RANBP2: variants seen among roughly 807,000 people sequenced by gnomAD.
RANBP2 encodes the protein RAN binding protein 2.
In RANBP2, 57 loss-of-function variants were observed where a neutral mutation model predicts 303.6. The ratio of observed to expected loss-of-function variants is 0.19; its 90% CI spans 0.15 to 0.23. The LOEUF (loss-of-function observed/expected upper bound fraction) is 0.23. Among genes scored for constraint, RANBP2 ranks in the 10% least tolerant of loss-of-function variants. The pLI is 1.00. For missense variants in RANBP2, 3,138 were observed against 3,780.8 expected (o/e 0.83, Z 4.46); for synonymous variants, 1,167 against 1,301.5 (o/e 0.90, Z 2.23).
At chr2:109,380,004 G>A in the RANBP2 span, among the ~76,000 whole-genome samples, 2 of 152,062 alleles carry the variant, frequency 1.3e-5, no homozygotes, top group African/African-American at 4.8e-5. Context: ...TTGGATTAAC[G>A]ACATAAAGAA....
At chr2:109,220,547 G>A in the RANBP2 span, among the ~76,000 whole-genome samples, 1 of 152,086 alleles carries the variant, frequency 6.6e-6, no homozygotes, top group Non-Finnish European at 1.5e-5. Context: ...ATGAATATCT[G>A]GAATATATAA....
At chr2:109,719,491 C>T in the RANBP2 span, among the ~76,000 whole-genome samples, 1 of 150,680 alleles carries the variant, frequency 6.6e-6, no homozygotes, top group African/African-American at 2.4e-5. Flanking sequence ...ACTGCAACCT[C>T]TGGCTCCCCG....
At chr2:109,082,141 C>T in the RANBP2 span, among the ~76,000 whole-genome samples, 1 of 152,218 alleles carries the variant, frequency 6.6e-6, no homozygotes, top group Non-Finnish European at 1.5e-5. Flanking sequence ...CAGATGTGTG[C>T]AGCTAATCAA....
chr2:108,926,574 G>A, the RANBP2 span, among the ~76,000 whole-genome samples: 15 of 152,204 alleles, frequency 9.9e-5, no homozygotes, highest in African/African-American at 1.9e-4. Context: ...CCAGAATCGC[G>A]GGGTGGTGGA....
chr2:109,247,775 C>G, the RANBP2 span, among the ~76,000 whole-genome samples: 1 of 152,138 alleles, frequency 6.6e-6, no homozygotes, highest in African/African-American at 2.4e-5. Context: ...AAAATAATAC[C>G]TTTTTATTTA....
At chr2:109,613,913 G>A in the RANBP2 span, 26 of 1,227,498 alleles carry the variant, frequency 2.1e-5, no homozygotes, top group African/African-American at 3.1e-4. Context: ...AAGGCCGGAG[G>A]GCAGAAGCAA....
chr2:109,172,994 C>T, the RANBP2 span, among the ~76,000 whole-genome samples: 1,229 of 152,350 alleles, frequency 8.1e-3, 12 homozygotes, highest in East Asian at 0.04. Context: ...CTTGTCTTCA[C>T]GCAGATGTCA....
At chr2:109,226,167 T>C in the RANBP2 span, among the ~76,000 whole-genome samples, 7 of 152,220 alleles carry the variant, frequency 4.6e-5, no homozygotes, top group South Asian at 1.4e-3. Flanking sequence ...ATTATCTGTT[T>C]CCCAGGTTTA....
the RANBP2 span, chr2:108,798,490 T>C: frequency 1.8e-5 from 29 of 1,613,926 alleles, no homozygotes; most frequent in Non-Finnish European, 2.4e-5. Context: ...GTTTTTTACT[T>C]GAAAGAGAAC....
chr2:109,693,347 T>C, the RANBP2 span, among the ~76,000 whole-genome samples: 11 of 152,118 alleles, frequency 7.2e-5, no homozygotes, highest in Non-Finnish European at 1.5e-4. Flanking sequence ...TGTTTTTTTC[T>C]ATTTTTAGTA....
chr2:108,729,116 TTTTAA>T lies in RANBP2; in HGVS notation c.73-12_73-8del, dbSNP rs1694969691. The T allele has an allele frequency of 6.4e-7, 1 of 1,568,096 alleles. No homozygotes were observed. The highest frequency in any genetic ancestry group is 1.3e-5 in the African/African-American group (1 of 74,212). On this transcript the variant is annotated splice_polypyrimidine_tract_variant and intron_variant, in intron 1 of 28. Transcript: ENST00000283195. ...ATTTCTGTATGAAAAGTAAAACAAC[TTTTAA>T]TTTTTTTTAGAAGTCAATGAAAGGA...
At chr2:108,911,144 C>T in the RANBP2 span, 64 of 1,584,492 alleles carry the variant, frequency 4.0e-5, no homozygotes, top group Non-Finnish European at 5.5e-5. Flanking sequence ...AGGACTCCGG[C>T]CCCTGGAAGC....
chr2:109,102,607 G>A, the RANBP2 span, among the ~76,000 whole-genome samples: 1 of 152,108 alleles, frequency 6.6e-6, no homozygotes, highest in African/African-American at 2.4e-5. Context: ...CTCTTCGGTA[G>A]TTAGGAATAA....
At chr2:109,634,237 C>T in the RANBP2 span, among the ~76,000 whole-genome samples, 1 of 151,172 alleles carries the variant, frequency 6.6e-6, no homozygotes, top group East Asian at 1.9e-4. Flanking sequence ...TACCAGTCAC[C>T]GATCAGGAAG....
At chr2:109,238,837 G>A in the RANBP2 span, among the ~76,000 whole-genome samples, 1 of 152,132 alleles carries the variant, frequency 6.6e-6, no homozygotes, top group South Asian at 2.1e-4. Flanking sequence ...GAGGACAGCA[G>A]CCAGTGTGGG....
chr2:109,328,393 C>T, the RANBP2 span, among the ~76,000 whole-genome samples: 4 of 152,204 alleles, frequency 2.6e-5, no homozygotes, highest in African/African-American at 9.6e-5. Context: ...AGAGCTGCCC[C>T]ACCCTTGACT....
rs1405166390 is a variant in RANBP2, at chr2:108,719,687, G to A, written c.72+9G>A. 1.0e-5 allele frequency: 16 copies of A among 1,599,362 alleles called. No individual in the cohort carries two copies. Among genetic ancestry groups the A allele is most frequent in the Non-Finnish European group, 1.3e-5 (15 of 1,174,458 alleles). On this transcript the variant is annotated intron_variant, in intron 1 of 28. Transcript: ENST00000283195. ...CCCCGTCGCCTCGACAGGTGAGTGG[G>A]TCTCGAAGAGACCGACGGCCTCGAC...
At chr2:108,906,328 T>G in the RANBP2 span, 24 of 1,614,106 alleles carry the variant, frequency 1.5e-5, no homozygotes, top group African/African-American at 2.4e-4. Flanking sequence ...TCCACACACG[T>G]TGGCATACAC....
the RANBP2 span, among the ~76,000 whole-genome samples, chr2:109,627,867 A>C: frequency 6.6e-6 from 1 of 152,272 alleles, no homozygotes; most frequent in Non-Finnish European, 1.5e-5. Context: ...TTGTATGACT[A>C]TAACACAATT....
Sources: gnomAD v4.1 joint callset for allele counts (sites outside exome capture counted in the v4.1 genomes callset) on GRCh38, gnomAD v4.1.1 for gene constraint, MANE v1.5 for transcripts, NCBI Gene and HGNC (gene_info 2026-07-23, HGNC 2026-07-21) for gene names.